The following RBFOX1 variants were observed in gnomAD, a reference collection of about 807,000 sequenced individuals.
The protein encoded by RBFOX1 is RNA binding fox-1 homolog 1.
In RBFOX1, 8 loss-of-function variants were observed where a neutral mutation model predicts 57.7. That is an observed-to-expected ratio of 0.14 (90% CI 0.08 to 0.25). The LOEUF is 0.25. Ranked by LOEUF, RBFOX1 falls within the 10% of genes least tolerant of loss-of-function variation. The probability of loss-of-function intolerance (pLI) is 1.00; values close to 1 mark genes in which losing one functional copy is unlikely to be tolerated. For missense variants in RBFOX1, 611 were observed against 548.5 expected (o/e 1.11, Z -1.14); for synonymous variants, 326 against 222.4 (o/e 1.47, Z -4.15).
intron 1 of RBFOX1, among the ~76,000 whole-genome samples, chr16:6,099,193 C>T (rs543586942): frequency 6.6e-6 from 1 of 152,194 alleles, no homozygotes; most frequent in East Asian, 1.9e-4. Flanking sequence ...TTGGTTCAGT[C>T]AAAATGAAAA....
chr16:7,165,887 T>C (rs1256073775), intron 4 of RBFOX1, among the ~76,000 whole-genome samples: 4 of 151,766 alleles, frequency 2.6e-5, no homozygotes, highest in Non-Finnish European at 5.9e-5. Context: ...TGAATAGATA[T>C]GTTGGATTCT....
intron 2 of RBFOX1, among the ~76,000 whole-genome samples, chr16:6,638,665 C>G (rs1436908360): frequency 6.6e-6 from 1 of 152,042 alleles, no homozygotes; most frequent in Non-Finnish European, 1.5e-5. Flanking sequence ...CCCTTTAATG[C>G]CAAATATTAC....
chr16:5,743,547 T>C (rs2052860670), intron 3 of RBFOX1, among the ~76,000 whole-genome samples: 1 of 152,200 alleles, frequency 6.6e-6, no homozygotes, highest in Non-Finnish European at 1.5e-5. Context: ...AAAATGATCA[T>C]TTTTTGCATG....
chr16:6,717,479 A>T (rs2065056755), intron 3 of RBFOX1, among the ~76,000 whole-genome samples: 1 of 152,206 alleles, frequency 6.6e-6, no homozygotes. Context: ...GTTAAACTCA[A>T]AAACTCCAAA....
chr16:6,457,491 G>A (rs909385188), intron 2 of RBFOX1, among the ~76,000 whole-genome samples: 2 of 146,732 alleles, frequency 1.4e-5, no homozygotes, highest in Non-Finnish European at 3.0e-5. Flanking sequence ...TGCCTTCCAT[G>A]ATACACTGTG....
At chr16:6,689,459 T>G (rs2059905897) in intron 3 of RBFOX1, among the ~76,000 whole-genome samples, 1 of 152,206 alleles carries the variant, frequency 6.6e-6, no homozygotes, top group African/African-American at 2.4e-5. Context: ...TTCTCATGTG[T>G]TTTAAATACT....
chr16:5,454,211 T>C (rs984523911), intron 1 of RBFOX1, among the ~76,000 whole-genome samples: 1 of 152,176 alleles, frequency 6.6e-6, no homozygotes, highest in African/African-American at 2.4e-5. Context: ...GGTACAGAGA[T>C]CTCTGGCCGA....
intron 1 of RBFOX1, among the ~76,000 whole-genome samples, chr16:6,217,578 C>G (rs928326708): frequency 1.3e-5 from 2 of 152,288 alleles, no homozygotes; most frequent in Admixed American, 1.3e-4. Flanking sequence ...GCCTCCTGTC[C>G]CAGGCCCCTG....
chr16:5,674,603 G>C (rs2050111386), intron 3 of RBFOX1, among the ~76,000 whole-genome samples: 1 of 152,196 alleles, frequency 6.6e-6, no homozygotes, highest in Non-Finnish European at 1.5e-5. Flanking sequence ...GCATCTCATA[G>C]AACATAGTAT....
Position 7,589,867 on chromosome 16 carries a change from C to G in RBFOX1, c.468+2567C>G, listed in dbSNP as rs544242847. On this transcript the variant is annotated intron_variant, in intron 7 of 15. Coordinates refer to ENST00000550418, the MANE Select transcript of RBFOX1 (RefSeq NM_018723.4). The stretch of plus-strand genomic sequence containing the variant: ...CCTTCTTGCCTTTCATTCTCTAGAG[C>G]AGTTCTTCAGGCAGGCCACTCAATG... 5.3e-5 allele frequency among the ~76,000 whole-genome samples: 8 copies of G among 150,592 alleles called. No individual in the cohort carries two copies. In the South Asian group the frequency reaches 1.7e-3, roughly 32 times the overall value.
intron 3 of RBFOX1, among the ~76,000 whole-genome samples, chr16:7,030,302 T>A (rs1382046040): frequency 6.6e-6 from 1 of 152,134 alleles, no homozygotes; most frequent in African/African-American, 2.4e-5. Flanking sequence ...ATTTTACAGA[T>A]GAGGAAATGA....
rs559743572 is a variant in RBFOX1, at chr16:6,869,295, T to G, written c.-15-182762T>G. Among the ~76,000 whole-genome samples, 97 of 152,316 alleles carry G rather than the reference T, an allele frequency of 6.4e-4. 1 individual carries two copies. Among genetic ancestry groups the G allele is most frequent in the African/African-American group, 2.3e-3 (94 of 41,556 alleles). ...CATAAGAACCTTATCAAGTAAATAC[T>G]TATTATATCTTGCCACTGCCAGATG... On this transcript the variant is annotated intron_variant, in intron 3 of 15. Coordinates refer to ENST00000550418, the MANE Select transcript of RBFOX1 (RefSeq NM_018723.4).
intron 2 of RBFOX1, among the ~76,000 whole-genome samples, chr16:5,505,446 G>T (rs1305255787): frequency 6.6e-6 from 1 of 152,154 alleles, no homozygotes; most frequent in Non-Finnish European, 1.5e-5. Flanking sequence ...AATTGGGGGT[G>T]GGTTTAGTGT....
intron 1 of RBFOX1, among the ~76,000 whole-genome samples, chr16:6,148,625 G>T (rs140436392): frequency 6.6e-6 from 1 of 152,106 alleles, no homozygotes; most frequent in Non-Finnish European, 1.5e-5. Flanking sequence ...CTACCTCACC[G>T]AGTGACTGTG....
chr16:6,671,551 A>C (rs1333907266), intron 3 of RBFOX1, among the ~76,000 whole-genome samples: 2 of 152,176 alleles, frequency 1.3e-5, no homozygotes, highest in Non-Finnish European at 2.9e-5. Context: ...CAAGTTCCTT[A>C]GTCTTTCTGC....
chr16:5,514,220 G>C (rs375769490), intron 2 of RBFOX1, among the ~76,000 whole-genome samples: 13 of 152,296 alleles, frequency 8.5e-5, no homozygotes, highest in African/African-American at 2.9e-4. Context: ...TCGTATGTCT[G>C]AGGGTCTACT....
At chr16:5,516,233 C>A (rs2043787628) in intron 2 of RBFOX1, among the ~76,000 whole-genome samples, 1 of 152,212 alleles carries the variant, frequency 6.6e-6, no homozygotes, top group Admixed American at 6.5e-5. Flanking sequence ...TTTTCTATCA[C>A]TTCCTGTCTC....
intron 3 of RBFOX1, among the ~76,000 whole-genome samples, chr16:7,049,547 G>C (rs894391478): frequency 6.6e-6 from 1 of 152,132 alleles, no homozygotes; most frequent in South Asian, 2.1e-4. Flanking sequence ...CAAAACCAGA[G>C]TGCTTCTCCT....
chr16:5,886,863 G>A lies in RBFOX1; in HGVS notation c.351+19528G>A, dbSNP rs188197874. ...AGATTGTGCCACAGCATTCTAGCCT[G>A]GGCAACGGAGTGAGACTCTGTCTCA... On this transcript the variant is annotated intron_variant, in intron 4 of 19. Coordinates refer to the RBFOX1 transcript ENST00000641259. Among the ~76,000 whole-genome samples the A allele has an allele frequency of 2.0e-5, 3 of 152,316 alleles. No homozygotes were observed. The East Asian group carries it at 5.8e-4, about 29-fold the overall frequency.
Sources: allele counts gnomAD v4.1 joint callset (sites outside exome capture counted in the v4.1 genomes callset), GRCh38; gene constraint gnomAD v4.1.1; transcripts MANE v1.5; gene names NCBI Gene and HGNC (gene_info 2026-07-23, HGNC 2026-07-21).